Variants in PLEKHH2 observed in about 807,000 individuals in gnomAD.
PLEKHH2 encodes the protein pleckstrin homology, MyTH4 and FERM domain containing H2, also known as pleckstrin homology domain-containing family H member 2.
In PLEKHH2, 129 loss-of-function variants were observed where a neutral mutation model predicts 187.9. The ratio of observed to expected loss-of-function variants is 0.69; its 90% CI spans 0.59 to 0.79. The LOEUF is 0.79. Among genes scored for constraint, PLEKHH2 ranks in the 30% least tolerant of loss-of-function variants. The pLI is 0.00. For missense variants in PLEKHH2, 2,076 were observed against 1,751.2 expected (o/e 1.19, Z -3.31); for synonymous variants, 686 against 605.6 (o/e 1.13, Z -1.95).
intron 3 of PLEKHH2, chr2:43,680,952 C>T: frequency 1.0e-6 from 1 of 959,890 alleles, no homozygotes; most frequent in Non-Finnish European, 1.5e-6. Flanking sequence ...ATTATTTTTA[C>T]TACATACACT....
chr2:43,672,007 C>T (rs1558453597), intron 2 of PLEKHH2, among the ~76,000 whole-genome samples: 1 of 152,196 alleles, frequency 6.6e-6, no homozygotes, highest in Admixed American at 6.5e-5. Context: ...TTCTTCTATA[C>T]ATTTTTGGGT....
At chr2:43,676,140 G>A (rs1667766541) in intron 2 of PLEKHH2, 3 of 1,613,914 alleles carry the variant, frequency 1.9e-6, no homozygotes, top group Non-Finnish European at 2.5e-6. Flanking sequence ...TGAGCTCCAA[G>A]AGTATCACTT....
chr2:43,725,456 T>C (rs556366422), intron 16 of PLEKHH2, among the ~76,000 whole-genome samples: 6 of 152,218 alleles, frequency 3.9e-5, no homozygotes, highest in African/African-American at 1.2e-4. Context: ...AGCTGTCTTA[T>C]CTGTGTTTCA....
intron 2 of PLEKHH2, among the ~76,000 whole-genome samples, chr2:43,649,591 C>T (rs991783653): frequency 2.6e-5 from 4 of 152,190 alleles, no homozygotes; most frequent in African/African-American, 9.6e-5. Context: ...CATGATTAAC[C>T]TATTTAAATT....
chr2:43,683,301 A>G (rs946627252), intron 3 of PLEKHH2, among the ~76,000 whole-genome samples: 8 of 151,814 alleles, frequency 5.3e-5, no homozygotes, highest in African/African-American at 1.9e-4. Flanking sequence ...ATCCACGCCT[A>G]GCTCATTTTG....
chr2:43,660,471 A>ATTT (rs546980439), intron 2 of PLEKHH2, among the ~76,000 whole-genome samples: 5 of 82,568 alleles, frequency 6.1e-5, no homozygotes, highest in African/African-American at 1.3e-4. Context: ...TAAGGAATTT[A>ATTT]TTTTTTTTTT....
chr2:43,738,618 A>T, intron 20 of PLEKHH2, 98 bp downstream of exon 20: 1 of 1,218,042 alleles, frequency 8.2e-7, no homozygotes, highest in Non-Finnish European at 1.1e-6. Flanking sequence ...TGGAGAATAC[A>T]AAAAGTGCAG....
At chr2:43,704,461 A>G (rs1003148792) in intron 9 of PLEKHH2, among the ~76,000 whole-genome samples, 14 of 152,062 alleles carry the variant, frequency 9.2e-5, no homozygotes, top group African/African-American at 3.4e-4. Context: ...GGAGATCAAG[A>G]CCATCCTGGC....
Position 43,765,756 on chromosome 2 carries a change from T to A in PLEKHH2, c.*158T>A. On this transcript the variant is annotated 3_prime_UTR_variant, in exon 30 of 30. Transcript: ENST00000282406. Reference sequence around the variant, plus strand: ...GTCTCTTTTATTTGATTCTTAAATATTCAAATAAATATTAACAGTAAAACA... The same window carrying A: ...GTCTCTTTTATTTGATTCTTAAATAATCAAATAAATATTAACAGTAAAACA... 3.1e-6 allele frequency: 2 copies of A among 642,920 alleles called. No individual in the cohort carries two copies. Among genetic ancestry groups the A allele is most frequent in the Non-Finnish European group, 4.8e-6 (2 of 413,492 alleles). The allele number at this position is 642,920 out of a possible 1,614,324, so 39.8% of individuals were successfully genotyped here.
At chr2:43,732,481 C>G (rs1180770783) in intron 19 of PLEKHH2, among the ~76,000 whole-genome samples, 2 of 152,200 alleles carry the variant, frequency 1.3e-5, no homozygotes, top group African/African-American at 4.8e-5. Flanking sequence ...TCTTGACCTT[C>G]TAAATTCCAG....
At chr2:43,698,773 C>T (rs529205642) in intron 7 of PLEKHH2, among the ~76,000 whole-genome samples, 40 of 152,268 alleles carry the variant, frequency 2.6e-4, no homozygotes, top group Admixed American at 2.1e-3. Flanking sequence ...TTCTACACTT[C>T]AGTCTAAAAG....
chr2:43,675,611 C>A, intron 2 of PLEKHH2: 1 of 1,613,656 alleles, frequency 6.2e-7, no homozygotes, highest in Non-Finnish European at 8.5e-7. Flanking sequence ...TCTCTTCCTT[C>A]ATAATCCTCT....
chr2:43,675,891 A>G, intron 2 of PLEKHH2: 1 of 1,614,150 alleles, frequency 6.2e-7, no homozygotes, highest in Non-Finnish European at 8.5e-7. Flanking sequence ...CAGCAAACGT[A>G]GTGGGAAGTG....
rs1198096282 is a variant in PLEKHH2 at position 43,743,965 on chromosome 2, G to A, written c.3531G>A (p.Glu1177=). 2 of 1,613,970 alleles carry A rather than the reference G, an allele frequency of 1.2e-6. No individual in the cohort carries two copies. The highest frequency in any genetic ancestry group is 1.1e-5 in the South Asian group (1 of 91,048). The part of the protein sequence containing the change: ...FTDDPSGRDL[E]HCLQGNIKIC... ...ACGATCCTTCTGGCAGAGATTTAGAGCATTGTCTTCAAGGAAACATCAAGG... is the reference window on the plus strand; with the variant it reads ...ACGATCCTTCTGGCAGAGATTTAGAACATTGTCTTCAAGGAAACATCAAGG... Residue 1177 remains glutamate, a synonymous_variant, in exon 23 of 30, where the codon GAG becomes GAA. Coordinates refer to ENST00000282406, the MANE Select transcript of PLEKHH2 (RefSeq NM_172069.4).
At chr2:43,663,898 T>TGG (rs1456774306) in intron 2 of PLEKHH2, among the ~76,000 whole-genome samples, 28 of 104,466 alleles carry the variant, frequency 2.7e-4, no homozygotes, top group African/African-American at 1.1e-3. Flanking sequence ...TCCAACTATG[T>TGG]GGTCAATTTT....
chr2:43,677,964 C>T (rs1572536039), intron 2 of PLEKHH2, among the ~76,000 whole-genome samples: 1 of 150,708 alleles, frequency 6.6e-6, no homozygotes, highest in Middle Eastern at 3.5e-3. Flanking sequence ...GGGGCGGCTG[C>T]CGGGCGGAGG....
intron 24 of PLEKHH2, among the ~76,000 whole-genome samples, chr2:43,747,112 C>CCCAT (rs1671816101): frequency 1.1e-5 from 1 of 87,244 alleles, no homozygotes; most frequent in African/African-American, 4.8e-5. Flanking sequence ...CTCTCTCCCT[C>CCCAT]TCTCTCTCTC....
chr2:43,728,978 T>C (rs1670909585), intron 17 of PLEKHH2, among the ~76,000 whole-genome samples: 1 of 152,200 alleles, frequency 6.6e-6, no homozygotes, highest in South Asian at 2.1e-4. Flanking sequence ...CAGTGAGAAG[T>C]TAGTAACCAT....
At chr2:43,650,537 C>T (rs182246516) in intron 2 of PLEKHH2, among the ~76,000 whole-genome samples, 3 of 152,172 alleles carry the variant, frequency 2.0e-5, no homozygotes. Flanking sequence ...TGAATATTGT[C>T]TGCATTGCTT....
Sources: gnomAD v4.1 joint callset for allele counts (sites outside exome capture counted in the v4.1 genomes callset) on GRCh38, gnomAD v4.1.1 for gene constraint, MANE v1.5 for transcripts, NCBI Gene and HGNC (gene_info 2026-07-23, HGNC 2026-07-21) for gene names.